Variants in MAGI2 observed in about 807,000 individuals in gnomAD.
The protein encoded by MAGI2 is membrane-associated guanylate kinase, WW and PDZ domain-containing protein 2.
Under a neutral mutation model 133.3 loss-of-function variants are expected in MAGI2, and 35 were observed. That is an observed-to-expected ratio of 0.26 (90% CI 0.20 to 0.35). The LOEUF (loss-of-function observed/expected upper bound fraction) is 0.35, where lower values mean the gene tolerates loss of function less well. Among genes scored for constraint, MAGI2 ranks in the 10% least tolerant of loss-of-function variants. The probability of loss-of-function intolerance (pLI) is 1.00; values close to 1 mark genes in which losing one functional copy is unlikely to be tolerated. For synonymous variants in MAGI2, 729 were observed against 710.6 expected (o/e 1.03, Z -0.41); for missense variants, 1,636 against 1,863.4 (o/e 0.88, Z 2.25).
chr7:78,084,464 G>A lies in MAGI2; in HGVS notation c.3568-5379C>T, dbSNP rs187494403. ...GGTTTGCCTTTCAGCGATAGTAAAC[G>A]TCTTCATTTGCATGCCGTGTAAGTT... On this transcript the variant is annotated intron_variant, in intron 20 of 21. Transcript: ENST00000354212. Among the ~76,000 whole-genome samples, 450 of 145,268 alleles carry A rather than the reference G, an allele frequency of 3.1e-3. 2 individuals carry two copies. Among genetic ancestry groups the A allele is most frequent in the African/African-American group, 0.011 (427 of 39,402 alleles).
rs1281577459 is a variant in MAGI2, at chr7:78,521,475, C to T, written c.709G>A (p.Glu237Lys). 1.9e-6 allele frequency: 3 copies of T among 1,614,016 alleles called. No homozygotes were observed. The highest frequency in any genetic ancestry group is 2.5e-6 in the Non-Finnish European group (3 of 1,180,030). ...TTTCCATTGACCACAGGCCTCTCTT[C>T]CTCTTCCTCCTCAGGAGGCTCTATA... ...ASIEPPEEEE[E>K]ERPVVNGNGV... is the part of the protein sequence containing the mutation. The change falls in exon 4 of 22, where the codon GAA becomes AAA. Residue 237 changes from glutamate (E) to lysine (K), a missense_variant. By Grantham distance (56) the Glu-to-Lys change is moderately conservative (BLOSUM62 1). Around this residue, in one of 5 missense-constraint regions of MAGI2, gnomAD observed 165 missense variants for 128.4 expected, o/e 1.28. Transcript: ENST00000354212.
At position 78,513,993 on chromosome 7, in the gene MAGI2, C is replaced by T. The variant is rs1795823083; in HGVS notation, c.754+7437G>A. On this transcript the variant is annotated intron_variant, in intron 4 of 21. Transcript: ENST00000354212. Reference sequence around the variant, plus strand: ...ATCCCAGCTACTTGGGAGGGTGAGGCAGGAGAATTGCTTGAACCCAGGAGG... The same window carrying T: ...ATCCCAGCTACTTGGGAGGGTGAGGTAGGAGAATTGCTTGAACCCAGGAGG... Among the ~76,000 whole-genome samples, 4 of 142,526 alleles carry T rather than the reference C, an allele frequency of 2.8e-5. No homozygotes were observed. In the Admixed American group the frequency reaches 3.1e-4, roughly 11 times the overall value. 93.5% of individuals were successfully genotyped at this position (142,526 alleles called of 152,430 possible).
chr7:79,333,942 G>T (rs1406963548), intron 1 of MAGI2, among the ~76,000 whole-genome samples: 2 of 152,162 alleles, frequency 1.3e-5, no homozygotes, highest in South Asian at 4.1e-4. Context: ...ACTTTCCCTT[G>T]ATGAAAGAAC....
At chr7:79,430,438 C>G (rs1211656131) in intron 1 of MAGI2, among the ~76,000 whole-genome samples, 1 of 152,160 alleles carries the variant, frequency 6.6e-6, no homozygotes, top group Non-Finnish European at 1.5e-5. Flanking sequence ...AAGTTCTTAT[C>G]AAGTCCTTTG....
intron 16 of MAGI2, among the ~76,000 whole-genome samples, chr7:78,141,609 A>G (rs1822760433): frequency 6.6e-6 from 1 of 152,214 alleles, no homozygotes; most frequent in Non-Finnish European, 1.5e-5. Flanking sequence ...TCCAAAGATG[A>G]AAACGTCTTC....
intron 1 of MAGI2, among the ~76,000 whole-genome samples, chr7:79,096,473 A>G (rs1817530058): frequency 6.6e-6 from 1 of 152,148 alleles, no homozygotes; most frequent in East Asian, 1.9e-4. Context: ...ATCATGGCCT[A>G]ATCCTGCCTA....
intron 1 of MAGI2, among the ~76,000 whole-genome samples, chr7:79,243,658 G>A (rs1563037952): frequency 6.6e-6 from 1 of 152,166 alleles, no homozygotes; most frequent in Non-Finnish European, 1.5e-5. Context: ...TAGGGGATTG[G>A]TAAATGATTT....
chr7:78,738,227 G>C (rs541069277), intron 2 of MAGI2, among the ~76,000 whole-genome samples: 1 of 152,228 alleles, frequency 6.6e-6, no homozygotes, highest in East Asian at 1.9e-4. Flanking sequence ...AAGTTTTCTT[G>C]AAAGACTGGG....
At chr7:78,990,499 C>A (rs538691907) in intron 2 of MAGI2, among the ~76,000 whole-genome samples, 1 of 151,950 alleles carries the variant, frequency 6.6e-6, no homozygotes, top group Non-Finnish European at 1.5e-5. Flanking sequence ...TCTTCTCAAT[C>A]GGAATGTCCT....
intron 9 of MAGI2, among the ~76,000 whole-genome samples, chr7:78,322,242 C>G (rs1282643166): frequency 1.3e-5 from 2 of 152,096 alleles, no homozygotes; most frequent in African/African-American, 2.4e-5. Flanking sequence ...ACCATTTGAC[C>G]CAGCAATCTC....
chr7:79,416,457 C>T (rs1216709865), intron 1 of MAGI2, among the ~76,000 whole-genome samples: 3 of 151,648 alleles, frequency 2.0e-5, no homozygotes, highest in East Asian at 1.9e-4. Context: ...TGAATATGGA[C>T]CAAGGATGTG....
At chr7:78,276,474 C>A (rs1036469748) in intron 9 of MAGI2, among the ~76,000 whole-genome samples, 2 of 150,658 alleles carry the variant, frequency 1.3e-5, no homozygotes, top group Non-Finnish European at 3.0e-5. Flanking sequence ...TTTTTTTTTT[C>A]CCCAAAGGCA....
rs1205240350 is a variant in MAGI2 at position 79,279,896 on chromosome 7, C to G, written c.301+173124G>C. On this transcript the variant is annotated intron_variant, in intron 1 of 21. Transcript: ENST00000354212. ...TTAGAAGGCAGTGATTTAAGCTTTA[C>G]TAAAGATATCAACAGTGTCAAATAA... Among the ~76,000 whole-genome samples, 3 of 151,970 alleles carry G rather than the reference C, an allele frequency of 2.0e-5. No homozygotes were observed. In the East Asian group the frequency reaches 5.8e-4, roughly 29 times the overall value.
At chr7:78,139,234 A>T (rs1466408061) in intron 16 of MAGI2, among the ~76,000 whole-genome samples, 1 of 152,250 alleles carries the variant, frequency 6.6e-6, no homozygotes, top group African/African-American at 2.4e-5. Context: ...TGGTTTTATT[A>T]CAAATGTTTT....
intron 21 of MAGI2, among the ~76,000 whole-genome samples, chr7:78,071,757 C>T (rs1001254898): frequency 3.9e-5 from 6 of 152,078 alleles, no homozygotes; most frequent in Admixed American, 2.6e-4. Context: ...TTTTCTATTG[C>T]GCGGTGGAAG....
At chr7:78,276,598 T>C (rs1243422282) in intron 9 of MAGI2, among the ~76,000 whole-genome samples, 1 of 151,496 alleles carries the variant, frequency 6.6e-6, no homozygotes, top group Non-Finnish European at 1.5e-5. Context: ...GAAAGATGCA[T>C]GAACACTAAT....
At chr7:78,826,967 G>T (rs1210247111) in intron 2 of MAGI2, among the ~76,000 whole-genome samples, 1 of 152,128 alleles carries the variant, frequency 6.6e-6, no homozygotes, top group East Asian at 1.9e-4. Context: ...CTACAGACAT[G>T]CAAGGAGAGG....
intron 1 of MAGI2, among the ~76,000 whole-genome samples, chr7:79,422,745 C>T: frequency 6.6e-6 from 1 of 151,886 alleles, no homozygotes; most frequent in East Asian, 1.9e-4. Context: ...AAGCCAGGTT[C>T]CCAGTGTGCA....
rs3086258 is a variant in MAGI2, at chr7:78,775,320, T to TAAAAAAAAAAAAAAAA, written c.419-148097_419-148082dup. Reference sequence around the variant, plus strand: ...AGAGCGAGACTCTGTCGTCTCAAATTAAAAAAAAAAAAAAAAAAAAAAAAA... The same window carrying TAAAAAAAAAAAAAAAA: ...AGAGCGAGACTCTGTCGTCTCAAATTAAAAAAAAAAAAAAAAAAAAAAAAAAAAAAAAAAAAAAAAA... On this transcript the variant is annotated intron_variant, in intron 2 of 21. Transcript: ENST00000354212. Among the ~76,000 whole-genome samples the TAAAAAAAAAAAAAAAA allele has an allele frequency of 5.4e-4, 31 of 57,374 alleles. 1 individual carries two copies. Among genetic ancestry groups the TAAAAAAAAAAAAAAAA allele is most frequent in the East Asian group, 1.2e-3 (2 of 1,716 alleles). 37.6% of individuals were successfully genotyped at this position (57,374 alleles called of 152,430 possible).
Sources: allele counts gnomAD v4.1 joint callset (sites outside exome capture counted in the v4.1 genomes callset), GRCh38; gene constraint gnomAD v4.1.1; regional missense constraint gnomAD v4.1.1; transcripts MANE v1.5; gene names NCBI Gene and HGNC (gene_info 2026-07-23, HGNC 2026-07-21).